Variants in ZNF804B observed in about 807,000 individuals in gnomAD.
ZNF804B encodes the protein zinc finger protein 804B, also known as zinc finger 804B.
ZNF804B carries 80 observed loss-of-function variants against 101.4 expected under a neutral mutation model. The observed-to-expected ratio is 0.79, with a 90% CI of 0.66 to 0.95. The LOEUF is 0.95. Ranked by LOEUF, ZNF804B falls within the 40% of genes least tolerant of loss-of-function variation. The pLI is 0.00. For synonymous variants in ZNF804B, 622 were observed against 558.8 expected, an observed-to-expected ratio of 1.11 and a Z score of -1.59; for missense variants, 1,673 against 1,561.9, an observed-to-expected ratio of 1.07 and a Z score of -1.20.
At chr7:89,218,929 C>T (rs1216045765) in intron 2 of ZNF804B, among the ~76,000 whole-genome samples, 2 of 151,984 alleles carry the variant, frequency 1.3e-5, no homozygotes, top group Non-Finnish European at 2.9e-5. Context: ...CTTGCTGTCT[C>T]AGGGGTGGCA....
At chr7:88,981,216 T>C (rs1793689576) in intron 1 of ZNF804B, among the ~76,000 whole-genome samples, 2 of 152,170 alleles carry the variant, frequency 1.3e-5, no homozygotes, top group African/African-American at 4.8e-5. Flanking sequence ...GGTCAGAAGA[T>C]GATAAATCCT....
intron 1 of ZNF804B, among the ~76,000 whole-genome samples, chr7:88,982,637 G>T (rs1793708469): frequency 6.6e-6 from 1 of 152,030 alleles, no homozygotes; most frequent in South Asian, 2.1e-4. Flanking sequence ...GCCCACCCAT[G>T]AGACCTTATT....
At chr7:89,147,550 G>C (rs888846021) in intron 1 of ZNF804B, among the ~76,000 whole-genome samples, 1 of 151,998 alleles carries the variant, frequency 6.6e-6, no homozygotes, top group African/African-American at 2.4e-5. Flanking sequence ...AAAAAATGTA[G>C]AGTATAGAGC....
chr7:89,037,785 C>G (rs1181592342), intron 1 of ZNF804B, among the ~76,000 whole-genome samples: 1 of 152,092 alleles, frequency 6.6e-6, no homozygotes, highest in Non-Finnish European at 1.5e-5. Flanking sequence ...ACTTTCTACC[C>G]TTTGACCAAC....
At chr7:89,294,700 A>C (rs2030662) in intron 2 of ZNF804B, among the ~76,000 whole-genome samples, 2 of 151,586 alleles carry the variant, frequency 1.3e-5, no homozygotes, top group East Asian at 3.9e-4. Context: ...TAATTCACTG[A>C]TATTAAAATT....
At chr7:88,782,638 G>A (rs1201860865) in intron 1 of ZNF804B, among the ~76,000 whole-genome samples, 1 of 152,090 alleles carries the variant, frequency 6.6e-6, no homozygotes, top group Non-Finnish European at 1.5e-5. Context: ...CACACAGTGG[G>A]AAAACATTGC....
At chr7:89,050,033 A>G (rs12535288) in intron 1 of ZNF804B, among the ~76,000 whole-genome samples, 20,229 of 151,944 alleles carry the variant, frequency 0.13, 1,718 homozygotes, top group East Asian at 0.29. Context: ...GAAAACAAAA[A>G]ATTTCTCACT....
intron 1 of ZNF804B, among the ~76,000 whole-genome samples, chr7:88,790,650 T>A (rs987075283): frequency 6.6e-6 from 1 of 152,094 alleles, no homozygotes; most frequent in Non-Finnish European, 1.5e-5. Context: ...CCATATCACA[T>A]ATCACATATA....
intron 1 of ZNF804B, among the ~76,000 whole-genome samples, chr7:88,778,820 G>C (rs764602481): frequency 2.0e-5 from 3 of 152,144 alleles, no homozygotes; most frequent in African/African-American, 7.2e-5. Context: ...TGGTGGAGCC[G>C]CCGATATGCA....
At chr7:88,775,661 A>C (rs1329338304) in intron 1 of ZNF804B, among the ~76,000 whole-genome samples, 2 of 152,194 alleles carry the variant, frequency 1.3e-5, no homozygotes, top group East Asian at 3.8e-4. Flanking sequence ...TAAATTCAGG[A>C]TCCATTCCTG....
At chr7:89,249,953 C>T (rs191271280) in intron 2 of ZNF804B, among the ~76,000 whole-genome samples, 156 of 152,086 alleles carry the variant, frequency 1.0e-3, no homozygotes, top group African/African-American at 3.7e-3. Context: ...TTTGGGAGGC[C>T]GAGGCTGGTG....
intron 2 of ZNF804B, among the ~76,000 whole-genome samples, chr7:89,310,818 A>C (rs1452192443): frequency 6.6e-6 from 1 of 152,206 alleles, no homozygotes; most frequent in East Asian, 1.9e-4. Flanking sequence ...CCTTTTTATG[A>C]ACTGAGCAGG....
intron 2 of ZNF804B, among the ~76,000 whole-genome samples, chr7:89,292,161 A>G (rs1790307205): frequency 1.3e-5 from 2 of 152,284 alleles, no homozygotes; most frequent in South Asian, 4.1e-4. Context: ...GAACTTTTTC[A>G]AACTGAAATA....
At chr7:88,967,528 C>T (rs576605769) in intron 1 of ZNF804B, among the ~76,000 whole-genome samples, 1 of 151,538 alleles carries the variant, frequency 6.6e-6, no homozygotes, top group East Asian at 2.0e-4. Context: ...ATGTTAATGT[C>T]TCAGGTTGAT....
chr7:89,103,053 T>TTTTTTTTTTTTTTTG, intron 1 of ZNF804B, among the ~76,000 whole-genome samples: 2 of 39,350 alleles, frequency 5.1e-5, no homozygotes, highest in African/African-American at 2.5e-4. Flanking sequence ...TGTCTGTTTT[T>TTTTTTTTTTTTTTTG]TTTTTTTTTT....
In ZNF804B at chr7:89,161,167, G is replaced by A. The variant is rs150041442; in HGVS notation, c.109-56988G>A. Among the ~76,000 whole-genome samples the A allele has an allele frequency of 2.5e-3, 381 of 152,050 alleles. 3 individuals carry two copies. The highest frequency in any genetic ancestry group is 8.2e-3 in the African/African-American group (341 of 41,512). On this transcript the variant is annotated intron_variant, in intron 1 of 3. Transcript: ENST00000333190. ...CCTACAACTGTGCAGAGAAACCTCC[G>A]CAGCCTGTGAAAGCACACTGGGCAA... is the stretch of plus-strand genomic sequence containing the variant.
chr7:88,875,851 C>G (rs1479033203), intron 1 of ZNF804B, among the ~76,000 whole-genome samples: 3 of 152,072 alleles, frequency 2.0e-5, no homozygotes, highest in African/African-American at 4.8e-5. Context: ...GGCAGAGACA[C>G]AACCAAAAAA....
chr7:88,891,411 C>A (rs1792212071), intron 1 of ZNF804B, among the ~76,000 whole-genome samples: 1 of 151,728 alleles, frequency 6.6e-6, no homozygotes, highest in African/African-American at 2.4e-5. Context: ...TTTTGTTTGC[C>A]TTTTATATAA....
intron 1 of ZNF804B, among the ~76,000 whole-genome samples, chr7:89,075,950 C>A (rs565265823): frequency 6.6e-6 from 1 of 152,294 alleles, no homozygotes; most frequent in African/African-American, 2.4e-5. Context: ...GGGCCTGTAG[C>A]CCCTTTGTTT....
Sources: gnomAD v4.1 joint callset for allele counts (sites outside exome capture counted in the v4.1 genomes callset) on GRCh38, gnomAD v4.1.1 for gene constraint, MANE v1.5 for transcripts, NCBI Gene and HGNC (gene_info 2026-07-23, HGNC 2026-07-21) for gene names.